Variants in MGRN1 observed in about 807,000 individuals in gnomAD.
MGRN1 encodes the protein E3 ubiquitin-protein ligase MGRN1.
In MGRN1, 29 loss-of-function variants were observed where a neutral mutation model predicts 69.2. The observed-to-expected ratio is 0.42, with a 90% CI of 0.31 to 0.57. MGRN1 has a LOEUF of 0.57. Among genes scored for constraint, MGRN1 ranks in the 20% least tolerant of loss-of-function variants. The pLI, the probability that MGRN1 is intolerant of heterozygous loss-of-function variation, is 0.15. For synonymous variants in MGRN1, 470 were observed against 344.2 expected (o/e 1.37, Z -4.04); for missense variants, 998 against 796.2 (o/e 1.25, Z -3.05).
intron 2 of MGRN1, 139 bp from the exon 3 acceptor site, chr16:4,651,824 A>G: frequency 2.7e-6 from 2 of 735,714 alleles, no homozygotes; most frequent in Non-Finnish European, 4.8e-6. Context: ...AAATGAGAAC[A>G]GTGCACCCAG....
At position 4,688,871 on chromosome 16, in the gene MGRN1, G is replaced by A; in HGVS notation, c.1694G>A (p.Ser565Asn). ...SPTWPPLGGP[S>N]PDPSAAELTP... ...ACCTGGCCTCCACTTGGTGGCCCCAGCCCCGATCCCAGCGCCGCCGAGCTG... is the reference window on the plus strand; with the variant it reads ...ACCTGGCCTCCACTTGGTGGCCCCAACCCCGATCCCAGCGCCGCCGAGCTG... Residue 565 changes from serine to asparagine, a missense_variant, in exon 17 of 17, where the codon AGC (serine) becomes AAC (asparagine). Transcript: ENST00000262370. The A allele has an allele frequency of 6.4e-7, 1 of 1,553,812 alleles. No homozygotes were observed. The highest frequency in any genetic ancestry group is 8.7e-7 in the Non-Finnish European group (1 of 1,148,244).
At chr16:4,666,825 T>C (rs2078816242) in intron 7 of MGRN1, among the ~76,000 whole-genome samples, 1 of 152,216 alleles carries the variant, frequency 6.6e-6, no homozygotes, top group Non-Finnish European at 1.5e-5. Context: ...AGGGCAGCAC[T>C]GTCCTCTTGG....
At chr16:4,626,352 C>T (rs1481284946) in intron 1 of MGRN1, among the ~76,000 whole-genome samples, 1 of 152,200 alleles carries the variant, frequency 6.6e-6, no homozygotes, top group African/African-American at 2.4e-5. Context: ...GTTCCGAGGG[C>T]TGATGGCCCT....
Position 4,683,208 on chromosome 16 carries a change from C to G in MGRN1, c.1483-16C>G. Reference sequence around the variant, plus strand: ...GGCTCTCTGAGCTCTAGGCTACTTTCCCCTTTGTTTCCTAGAGTTTCATAA... The same window carrying G: ...GGCTCTCTGAGCTCTAGGCTACTTTGCCCTTTGTTTCCTAGAGTTTCATAA... On this transcript the variant is annotated splice_polypyrimidine_tract_variant and intron_variant, in intron 14 of 16. Transcript: ENST00000262370. 1.2e-6 allele frequency: 2 copies of G among 1,613,378 alleles called. No individual in the cohort carries two copies. The highest frequency in any genetic ancestry group is 2.2e-5 in the South Asian group (2 of 91,090).
chr16:4,659,392 GC>G (rs2078625349), intron 5 of MGRN1, among the ~76,000 whole-genome samples: 1 of 152,082 alleles, frequency 6.6e-6, no homozygotes, highest in Non-Finnish European at 1.5e-5. Context: ...TCCCTCCCCA[GC>G]CCCTCTGGGG....
In MGRN1 at chr16:4,664,613, C is replaced by T. The variant is rs191413381; in HGVS notation, c.562-96C>T. On this transcript the variant is annotated intron_variant, in intron 5 of 16. Coordinates refer to ENST00000262370, the MANE Select transcript of MGRN1 (RefSeq NM_015246.4). ...CTCTGAGCTCTGCTGCTGCCTCCTG[C>T]TCCTGCCTGCTTTGTCCAGCTCATT... is the stretch of plus-strand genomic sequence containing the variant. 3.1e-5 allele frequency: 40 copies of T among 1,301,788 alleles called. No individual in the cohort carries two copies. The African/African-American group carries it at 5.4e-4, about 18-fold the overall frequency. 80.6% of individuals were successfully genotyped at this position (1,301,788 alleles called of 1,614,324 possible).
chr16:4,680,031 G>C lies in MGRN1; in HGVS notation c.1066-1G>C. On this transcript the variant is annotated splice_acceptor_variant, in intron 11 of 16. Transcript: ENST00000262370. LOFTEE classifies it high-confidence loss of function. ...AAAACATATGATTTTTATCTTGACA[G>C]TGTCCCTTTAAAAAATCAAAGCCGC... The C allele has an allele frequency of 6.2e-7, 1 of 1,613,878 alleles. No individual in the cohort carries two copies. Among genetic ancestry groups the C allele is most frequent in the Non-Finnish European group, 8.5e-7 (1 of 1,179,844 alleles).
intron 4 of MGRN1, among the ~76,000 whole-genome samples, chr16:4,655,901 C>T (rs2078526569): frequency 6.6e-6 from 1 of 152,260 alleles, no homozygotes; most frequent in Non-Finnish European, 1.5e-5. Context: ...TGGGGTCCAC[C>T]TGAGGGTGGC....
At chr16:4,654,358 T>C (rs576635263) in intron 4 of MGRN1, among the ~76,000 whole-genome samples, 7 of 152,370 alleles carry the variant, frequency 4.6e-5, no homozygotes, top group Admixed American at 3.9e-4. Context: ...ATTTATTTTT[T>C]ATTGTGTCAT....
At chr16:4,661,559 G>A (rs377766164) in intron 5 of MGRN1, among the ~76,000 whole-genome samples, 1 of 152,264 alleles carries the variant, frequency 6.6e-6, no homozygotes, top group Non-Finnish European at 1.5e-5. Flanking sequence ...TCTAATTGTA[G>A]TGAATGGGTG....
At chr16:4,663,391 T>TTTTTTTC (rs150893432) in intron 5 of MGRN1, among the ~76,000 whole-genome samples, 2 of 123,176 alleles carry the variant, frequency 1.6e-5, no homozygotes, top group African/African-American at 5.4e-5. Flanking sequence ...TTTTTTTTTT[T>TTTTTTTC]ACACCTTTAT....
chr16:4,668,820 ACT>A lies in MGRN1; in HGVS notation c.726+510_726+511del, dbSNP rs200243404. On this transcript the variant is annotated intron_variant, in intron 8 of 16. Coordinates refer to ENST00000262370, the MANE Select transcript of MGRN1 (RefSeq NM_015246.4). ...CATACACACACGTATACAGACACAC[ACT>A]CATACACATACCCACACATATACTC... Among the ~76,000 whole-genome samples the A allele has an allele frequency of 3.2e-3, 487 of 152,182 alleles. 2 individuals carry two copies. The highest frequency in any genetic ancestry group is 0.011 in the African/African-American group (464 of 41,522).
intron 8 of MGRN1, among the ~76,000 whole-genome samples, chr16:4,669,637 A>G (rs1293980412): frequency 2.0e-5 from 3 of 152,180 alleles, no homozygotes; most frequent in African/African-American, 7.2e-5. Flanking sequence ...GAATGGATGG[A>G]TGGAAAAGGA....
intron 9 of MGRN1, 77 bp downstream of exon 9, chr16:4,671,536 C>T (rs2078937236): frequency 1.4e-5 from 20 of 1,392,930 alleles, no homozygotes; most frequent in Middle Eastern, 3.5e-4. Context: ...CAATGCTTGC[C>T]GGTTCCCTTC....
At chr16:4,625,776 G>A (rs1897648001) in intron 1 of MGRN1, among the ~76,000 whole-genome samples, 1 of 152,224 alleles carries the variant, frequency 6.6e-6, no homozygotes. Flanking sequence ...CTATTGATGA[G>A]TTATGTGTTG....
chr16:4,667,915 G>T (rs536212757), intron 7 of MGRN1, among the ~76,000 whole-genome samples: 1 of 152,086 alleles, frequency 6.6e-6, no homozygotes, highest in Non-Finnish European at 1.5e-5. Flanking sequence ...GATACTTCTC[G>T]GTGTGCAGGA....
Position 4,675,905 on chromosome 16 carries a change from TC to T in MGRN1, c.956-1557del, listed in dbSNP as rs1206624166. Among the ~76,000 whole-genome samples the T allele has an allele frequency of 7.2e-5, 11 of 152,208 alleles. No homozygotes were observed. The East Asian group carries it at 2.1e-3, about 29-fold the overall frequency. On this transcript the variant is annotated intron_variant, in intron 10 of 16. Coordinates refer to ENST00000262370, the MANE Select transcript of MGRN1 (RefSeq NM_015246.4). The stretch of plus-strand genomic sequence containing the variant: ...AGTAGAGGGAACAACCTGAATGTTC[TC>T]AGGGTGAAAAAACGACCAGGTCAAA...
At chr16:4,632,007 CTTTTTTT>C (rs869090061) in intron 1 of MGRN1, among the ~76,000 whole-genome samples, 1,777 of 64,972 alleles carry the variant, frequency 0.027, 14 homozygotes, top group South Asian at 0.037. Context: ...AAAAAATTTC[CTTTTTTT>C]TTTTTTTTTT....
intron 12 of MGRN1, 180 bp downstream of exon 12, chr16:4,680,277 T>C: frequency 1.6e-6 from 1 of 626,592 alleles, no homozygotes; most frequent in African/African-American, 1.9e-5. Flanking sequence ...AAGCTCTCGG[T>C]CCGTGGGCGA....
Sources: allele counts gnomAD v4.1 joint callset (sites outside exome capture counted in the v4.1 genomes callset), GRCh38; gene constraint gnomAD v4.1.1; transcripts MANE v1.5; gene names NCBI Gene and HGNC (gene_info 2026-07-23, HGNC 2026-07-21).